CLCN5: variants seen among roughly 807,000 people sequenced by gnomAD.
CLCN5 encodes Cl-/H+ antiporter 5, also known as H(+)/Cl(-) exchange transporter 5.
In CLCN5, 17 loss-of-function variants were observed where a neutral mutation model predicts 54.0. That is an observed-to-expected ratio of 0.31 (90% CI 0.22 to 0.47). CLCN5 has a LOEUF of 0.47. CLCN5 is among the 20% of genes least tolerant of loss of function. CLCN5 has a pLI of 1.00. For missense variants in CLCN5, 448 were observed against 646.7 expected, an observed-to-expected ratio of 0.69 and a Z score of 3.33; for synonymous variants, 222 against 233.0, an observed-to-expected ratio of 0.95 and a Z score of 0.43.
intron 6 of CLCN5, among the ~76,000 whole-genome samples, 168 bp downstream of exon 6, chrX:50,072,756 A>G (rs968239010): frequency 3.6e-5 from 4 of 111,585 alleles, no homozygotes; most frequent in African/African-American, 1.3e-4. Flanking sequence ...GGGTACTAAT[A>G]CCTGCAATTC....
intron 9 of CLCN5, 85 bp from the exon 10 acceptor site, chrX:50,085,895 C>A: frequency 1.3e-6 from 1 of 775,572 alleles, no homozygotes; most frequent in Non-Finnish European, 2.0e-6. Context: ...TGTTCAGTAA[C>A]TACTAACATT....
At chrX:49,953,200 T>G (rs1006105096) in intron 3 of CLCN5, among the ~76,000 whole-genome samples, 1 of 111,910 alleles carries the variant, frequency 8.9e-6, no homozygotes, top group Admixed American at 9.4e-5. Flanking sequence ...GTGTGTAACT[T>G]TAATAAAAAA....
At chrX:50,032,467 C>T (rs182428200) in intron 3 of CLCN5, among the ~76,000 whole-genome samples, 1 of 111,417 alleles carries the variant, frequency 9.0e-6, no homozygotes, top group Admixed American at 9.5e-5. Flanking sequence ...TCTCTGATGG[C>T]CGGTGTTGGT....
At chrX:50,015,296 A>G (rs1557183355) in intron 3 of CLCN5, among the ~76,000 whole-genome samples, 2 of 110,254 alleles carry the variant, frequency 1.8e-5, no homozygotes, top group Non-Finnish European at 3.8e-5. Flanking sequence ...AGATGCACAC[A>G]TTCATGAAGA....
intron 3 of CLCN5, among the ~76,000 whole-genome samples, chrX:50,033,403 G>A (rs1931825088): frequency 9.0e-6 from 1 of 111,344 alleles, no homozygotes; most frequent in Admixed American, 9.6e-5. Context: ...AATCATGAGT[G>A]AACTCCCATT....
At chrX:50,077,954 G>C (rs1203514054) in intron 7 of CLCN5, among the ~76,000 whole-genome samples, 1 of 105,731 alleles carries the variant, frequency 9.5e-6, no homozygotes, top group Non-Finnish European at 1.9e-5. Flanking sequence ...CTTGTACCTG[G>C]GAGGCGGAGG....
At chrX:49,999,129 A>G (rs1438941287) in intron 3 of CLCN5, among the ~76,000 whole-genome samples, 2 of 110,433 alleles carry the variant, frequency 1.8e-5, no homozygotes, top group African/African-American at 6.6e-5. Flanking sequence ...CCCGACACAG[A>G]TGATGCACAC....
rs373786538 is a variant in CLCN5, at chrX:50,079,014, G to A, written c.604-1580G>A. Among the ~76,000 whole-genome samples, 11 of 111,135 alleles carry A rather than the reference G, an allele frequency of 9.9e-5. No homozygotes were observed. In the East Asian group the frequency reaches 2.5e-3, roughly 26 times the overall value. On this transcript the variant is annotated intron_variant, in intron 7 of 14. Transcript: ENST00000376091. ...ATTTTTTTGTATTTTTAGTAGAGAC[G>A]GGGTTTCACCATGTTAGCCAGGATG...
intron 3 of CLCN5, among the ~76,000 whole-genome samples, chrX:49,999,673 A>G (rs1929705118): frequency 9.0e-6 from 1 of 111,523 alleles, no homozygotes; most frequent in African/African-American, 3.3e-5. Context: ...GGCAGTTTCT[A>G]AGCTATACTC....
intron 3 of CLCN5, among the ~76,000 whole-genome samples, chrX:50,028,001 C>G (rs781869636): frequency 9.0e-6 from 1 of 111,577 alleles, no homozygotes; most frequent in South Asian, 3.8e-4. Flanking sequence ...CAGTCATATT[C>G]CCCTGTTATT....
chrX:49,982,838 T>G (rs1171981797), intron 3 of CLCN5, among the ~76,000 whole-genome samples: 10 of 112,054 alleles, frequency 8.9e-5, no homozygotes, highest in Non-Finnish European at 1.7e-4. Flanking sequence ...TTTTTTGTTA[T>G]TATAGACTTT....
chrX:50,095,113 A>G lies in CLCN5; in HGVS notation c.*2894A>G, dbSNP rs1396077596. On this transcript the variant is annotated 3_prime_UTR_variant, in exon 15 of 15. Coordinates refer to ENST00000376091, the MANE Select transcript of CLCN5 (RefSeq NM_001127898.4). ...ATTAAATGAGAAAATTGCCTAACAC[A>G]AGGGAAGGGTTTACAAAAGAATGCC... 1 of 112,390 alleles carries G rather than the reference A, an allele frequency of 8.9e-6. No homozygotes were observed. Among genetic ancestry groups the G allele is most frequent in the Admixed American group, 9.5e-5 (1 of 10,557 alleles). 9.3% of individuals were successfully genotyped at this position (112,390 alleles called of 1,213,427 possible).
intron 4 of CLCN5, among the ~76,000 whole-genome samples, chrX:50,043,104 C>G (rs1359982740): frequency 1.8e-5 from 2 of 111,880 alleles, no homozygotes; most frequent in Admixed American, 9.5e-5. Flanking sequence ...CATATCTGCC[C>G]ACCTTATATA....
Position 50,090,336 on chromosome X carries a change from G to C in CLCN5, c.1965G>C (p.Val655=), listed in dbSNP as rs1557194578. The change falls in exon 13 of 15, where the codon GTG becomes GTC. Residue 655 remains valine, a synonymous_variant. Transcript: ENST00000376091. The part of the protein sequence containing the change: ...EFAHKTLAMD[V]MKPRRNDPLL... Reference sequence around the variant, plus strand: ...CTCATAAGACCCTGGCAATGGATGTGATGAAACCCCGGAGAAATGATCCTT... The same window carrying C: ...CTCATAAGACCCTGGCAATGGATGTCATGAAACCCCGGAGAAATGATCCTT... 1 of 1,211,481 alleles carries C rather than the reference G, an allele frequency of 8.3e-7. No homozygotes were observed. The highest frequency in any genetic ancestry group is 2.2e-5 in the Admixed American group (1 of 46,051).
intron 10 of CLCN5, 79 bp from the exon 11 acceptor site, chrX:50,086,249 C>G (rs970612159): frequency 9.5e-7 from 1 of 1,049,368 alleles, no homozygotes; most frequent in Non-Finnish European, 1.3e-6. Context: ...AGTTGACTCT[C>G]ATGCCTGCAG....
intron 4 of CLCN5, among the ~76,000 whole-genome samples, chrX:50,048,411 T>G (rs1292593664): frequency 8.9e-6 from 1 of 112,795 alleles, no homozygotes; most frequent in Non-Finnish European, 1.9e-5. Context: ...GAAGTTAGGT[T>G]TCACCTCCAT....
chrX:50,003,884 G>A (rs1328195888), intron 3 of CLCN5, among the ~76,000 whole-genome samples: 1 of 111,886 alleles, frequency 8.9e-6, no homozygotes, highest in Non-Finnish European at 1.9e-5. Context: ...CAGGACTCCT[G>A]TACATGGGGC....
Position 49,997,690 on chromosome X carries a change from C to CT in CLCN5, c.17-44614dup, listed in dbSNP as rs370838817. Reference sequence around the variant, plus strand: ...ACAGATGTGTGCTACTATGCCCGGCCTTTTTTTTTTTTGTAGAGATGGGGT... The same window carrying CT: ...ACAGATGTGTGCTACTATGCCCGGCCTTTTTTTTTTTTTGTAGAGATGGGGT... On this transcript the variant is annotated intron_variant, in intron 3 of 14. Coordinates refer to ENST00000376091, the MANE Select transcript of CLCN5 (RefSeq NM_001127898.4). 9.1e-3 allele frequency among the ~76,000 whole-genome samples: 914 copies of CT among 100,761 alleles called. 4 individuals carry two copies. The highest frequency in any genetic ancestry group is 0.026 in the African/African-American group (737 of 27,902). The allele number at this position is 100,761 out of a possible 115,157, so 87.5% of individuals were successfully genotyped here. A position where few individuals can be genotyped will look rare whatever the true frequency, so the allele number is the denominator to read the frequency against.
intron 4 of CLCN5, among the ~76,000 whole-genome samples, chrX:50,044,319 A>G (rs1913303495): frequency 1.8e-5 from 2 of 111,945 alleles, no homozygotes; most frequent in African/African-American, 6.5e-5. Context: ...TTTCATAGAA[A>G]AGATGTTTTG....
Sources: gnomAD v4.1 joint callset for allele counts (sites outside exome capture counted in the v4.1 genomes callset) on GRCh38, gnomAD v4.1.1 for gene constraint, MANE v1.5 for transcripts, NCBI Gene and HGNC (gene_info 2026-07-23, HGNC 2026-07-21) for gene names.